NR6A1: variants seen among roughly 807,000 people sequenced by gnomAD.
NR6A1 encodes the protein retinoic acid receptor-related testis-associated receptor.
Under a neutral mutation model 59.1 loss-of-function variants are expected in NR6A1, and 7 were observed. That is an observed-to-expected ratio of 0.12 (90% CI 0.07 to 0.22). The LOEUF (loss-of-function observed/expected upper bound fraction) is 0.22, where lower values mean the gene tolerates loss of function less well. NR6A1 is among the 10% of genes least tolerant of loss of function. The pLI is 1.00. For synonymous variants in NR6A1, 243 were observed against 236.1 expected, an observed-to-expected ratio of 1.03 and a Z score of -0.27; for missense variants, 468 against 611.6, an observed-to-expected ratio of 0.77 and a Z score of 2.48.
chr9:124,765,569 A>G (rs1352884687), intron 1 of NR6A1, among the ~76,000 whole-genome samples: 1 of 152,138 alleles, frequency 6.6e-6, no homozygotes, highest in African/African-American at 2.4e-5. Context: ...TGCTTTCTCA[A>G]ATGACAACCA....
intron 2 of NR6A1, among the ~76,000 whole-genome samples, chr9:124,671,763 G>A (rs543285613): frequency 6.6e-6 from 1 of 152,262 alleles, no homozygotes; most frequent in South Asian, 2.1e-4. Flanking sequence ...TGAGTCCTAT[G>A]TTTTACCTCA....
chr9:124,553,549 C>CTTTTTTT (rs780925768), intron 3 of NR6A1, among the ~76,000 whole-genome samples: 22 of 47,322 alleles, frequency 4.6e-4, no homozygotes, highest in African/African-American at 1.3e-3. Flanking sequence ...TTTAGCTTGA[C>CTTTTTTT]TTTTTTTTTT....
At chr9:124,558,872 C>G (rs374100636) in intron 2 of NR6A1, among the ~76,000 whole-genome samples, 5 of 152,290 alleles carry the variant, frequency 3.3e-5, no homozygotes, top group African/African-American at 1.2e-4. Flanking sequence ...CCAGGGCCCC[C>G]CTTTGTAAAT....
At chr9:124,670,860 G>T (rs560672143) in intron 2 of NR6A1, among the ~76,000 whole-genome samples, 3 of 152,262 alleles carry the variant, frequency 2.0e-5, no homozygotes, top group Admixed American at 1.3e-4. Flanking sequence ...ATAAGAATTG[G>T]GAAGACTGGA....
rs530518177 is a variant in NR6A1, at chr9:124,731,199, G to A, written c.142+2109C>T. Among the ~76,000 whole-genome samples, 100 of 152,012 alleles carry A rather than the reference G, an allele frequency of 6.6e-4. 1 individual carries two copies. In the South Asian group the frequency reaches 0.018, roughly 28 times the overall value. ...AACCTGACCAATATGGTGAAACCCC[G>A]TCTCTACTAAAAATACAAAAATTAG... On this transcript the variant is annotated intron_variant, in intron 2 of 9. Coordinates refer to ENST00000487099, the MANE Select transcript of NR6A1 (RefSeq NM_033334.4).
At chr9:124,576,577 G>A (rs563620885) in intron 2 of NR6A1, among the ~76,000 whole-genome samples, 3 of 152,046 alleles carry the variant, frequency 2.0e-5, no homozygotes, top group South Asian at 2.1e-4. Context: ...GTGAACCACC[G>A]CGCCCAGCCA....
intron 2 of NR6A1, among the ~76,000 whole-genome samples, chr9:124,673,165 T>C (rs905942243): frequency 1.3e-5 from 2 of 151,862 alleles, no homozygotes; most frequent in East Asian, 1.9e-4. Context: ...CCAGAAAAAA[T>C]ACAAAAAGTA....
chr9:124,721,109 A>G (rs758237159), intron 2 of NR6A1, among the ~76,000 whole-genome samples: 1 of 152,210 alleles, frequency 6.6e-6, no homozygotes, highest in Non-Finnish European at 1.5e-5. Context: ...CTTCTTAGTC[A>G]TTCATTAAAA....
chr9:124,768,592 C>T (rs532895756), intron 1 of NR6A1, among the ~76,000 whole-genome samples: 1 of 152,312 alleles, frequency 6.6e-6, no homozygotes, highest in East Asian at 1.9e-4. Context: ...AAGAAAACAT[C>T]TGTACCACTA....
chr9:124,671,304 G>A (rs537816297), intron 2 of NR6A1, among the ~76,000 whole-genome samples: 9 of 152,274 alleles, frequency 5.9e-5, no homozygotes, highest in African/African-American at 2.2e-4. Context: ...GCTTTTGTGT[G>A]TGTGTTTTAC....
chr9:124,749,017 C>T (rs1840419883), intron 1 of NR6A1, among the ~76,000 whole-genome samples: 1 of 152,206 alleles, frequency 6.6e-6, no homozygotes, highest in South Asian at 2.1e-4. Flanking sequence ...AACCCCAGCA[C>T]TTTGGGAGGC....
chr9:124,680,090 A>C (rs373688781), intron 2 of NR6A1, among the ~76,000 whole-genome samples: 1 of 143,164 alleles, frequency 7.0e-6, no homozygotes, highest in African/African-American at 2.5e-5. Context: ...GTGTGTATGT[A>C]TGTGTGTGTG....
intron 2 of NR6A1, among the ~76,000 whole-genome samples, chr9:124,646,125 GA>G (rs1297789735): frequency 6.6e-6 from 1 of 152,126 alleles, no homozygotes; most frequent in Non-Finnish European, 1.5e-5. Context: ...GTGCTTGGAG[GA>G]AAGTTACAGC....
intron 2 of NR6A1, among the ~76,000 whole-genome samples, chr9:124,659,046 A>G (rs1837343155): frequency 6.6e-6 from 1 of 152,388 alleles, no homozygotes; most frequent in East Asian, 1.9e-4. Context: ...GAAGGAAGAA[A>G]TTCACAAGAA....
chr9:124,640,676 G>A (rs1279678818), intron 2 of NR6A1, among the ~76,000 whole-genome samples: 1 of 151,920 alleles, frequency 6.6e-6, no homozygotes, highest in Non-Finnish European at 1.5e-5. Flanking sequence ...GGATTACAAA[G>A]CATGAGCTAG....
intron 1 of NR6A1, among the ~76,000 whole-genome samples, chr9:124,764,964 G>T (rs1004371158): frequency 2.0e-5 from 3 of 152,202 alleles, no homozygotes. Flanking sequence ...TTAAAGGCAA[G>T]AATCAGTCCA....
chr9:124,611,958 C>A (rs1324965414), intron 2 of NR6A1, among the ~76,000 whole-genome samples: 1 of 151,962 alleles, frequency 6.6e-6, no homozygotes, highest in Admixed American at 6.6e-5. Context: ...AGAAGAGGGG[C>A]AAAATACAAG....
At chr9:124,710,464 T>C (rs1283454767) in intron 2 of NR6A1, among the ~76,000 whole-genome samples, 4 of 152,200 alleles carry the variant, frequency 2.6e-5, no homozygotes, top group Non-Finnish European at 5.9e-5. Context: ...ACCCCCTTTC[T>C]ATTTCACATT....
intron 2 of NR6A1, among the ~76,000 whole-genome samples, chr9:124,670,259 G>T (rs1368799674): frequency 6.6e-6 from 1 of 151,946 alleles, no homozygotes; most frequent in African/African-American, 2.4e-5. Flanking sequence ...AGCTGTGATG[G>T]CACATGCCTA....
Sources: gnomAD v4.1 joint callset for allele counts (sites outside exome capture counted in the v4.1 genomes callset) on GRCh38, gnomAD v4.1.1 for gene constraint, MANE v1.5 for transcripts, NCBI Gene and HGNC (gene_info 2026-07-23, HGNC 2026-07-21) for gene names.